Variants in NR2F1-AS1 observed in about 807,000 individuals in gnomAD.
NR2F1-AS1 encodes NR2F1 antisense RNA 1.
intron 4 of NR2F1-AS1, among the ~76,000 whole-genome samples, chr5:93,453,008 A>G (rs1179847322): frequency 6.6e-6 from 1 of 152,192 alleles, no homozygotes; most frequent in Non-Finnish European, 1.5e-5. Flanking sequence ...CTAGAGAAAA[A>G]GAAATAAATA....
At chr5:93,486,137 T>C (rs1750711596) in intron 4 of NR2F1-AS1, among the ~76,000 whole-genome samples, 1 of 121,424 alleles carries the variant, frequency 8.2e-6, no homozygotes, top group African/African-American at 3.1e-5. Context: ...GGGGGAGGGA[T>C]AGCACTGGGA....
chr5:93,470,967 T>A (rs1322498770), intron 4 of NR2F1-AS1, among the ~76,000 whole-genome samples: 1 of 151,866 alleles, frequency 6.6e-6, no homozygotes, highest in African/African-American at 2.4e-5. Flanking sequence ...AAAATCAAGA[T>A]ATGACTATGT....
intron 4 of NR2F1-AS1, among the ~76,000 whole-genome samples, chr5:93,429,350 A>G (rs1749262755): frequency 6.6e-6 from 1 of 152,210 alleles, no homozygotes; most frequent in Non-Finnish European, 1.5e-5. Context: ...CACAGAAGCA[A>G]GCATCCTAAT....
intron 4 of NR2F1-AS1, among the ~76,000 whole-genome samples, chr5:93,437,058 T>C (rs1479543406): frequency 2.0e-5 from 3 of 152,154 alleles, no homozygotes; most frequent in Non-Finnish European, 4.4e-5. Context: ...TTAGCTATTC[T>C]TGGTATTCAA....
At chr5:93,456,122 A>G (rs777615339) in intron 4 of NR2F1-AS1, among the ~76,000 whole-genome samples, 1 of 152,208 alleles carries the variant, frequency 6.6e-6, no homozygotes, top group African/African-American at 2.4e-5. Flanking sequence ...TGGAAAGGAA[A>G]TAATAAAACT....
intron 4 of NR2F1-AS1, among the ~76,000 whole-genome samples, chr5:93,443,741 A>G (rs1399424258): frequency 1.3e-5 from 2 of 152,204 alleles, no homozygotes. Flanking sequence ...TCCAAGACAC[A>G]TAATTGTCAG....
chr5:93,585,056 G>A, upstream of NR2F1-AS1: 4 of 1,037,014 alleles, frequency 3.9e-6, no homozygotes, highest in Non-Finnish European at 4.6e-6. Flanking sequence ...GGCGAGATCC[G>A]CAGGACGACG....
intron 4 of NR2F1-AS1, among the ~76,000 whole-genome samples, chr5:93,504,332 T>G (rs1216675909): frequency 2.0e-5 from 3 of 152,096 alleles, no homozygotes; most frequent in East Asian, 1.9e-4. Flanking sequence ...ATAGAAAACA[T>G]GAACATATTC....
At chr5:93,521,891 T>C (rs1456315517) in intron 4 of NR2F1-AS1, among the ~76,000 whole-genome samples, 1 of 152,164 alleles carries the variant, frequency 6.6e-6, no homozygotes, top group African/African-American at 2.4e-5. Flanking sequence ...CATTCTACCA[T>C]ATAGACACAT....
At chr5:93,578,447 G>GA (rs1752945275) in intron 1 of NR2F1-AS1, among the ~76,000 whole-genome samples, 1 of 151,944 alleles carries the variant, frequency 6.6e-6, no homozygotes. Flanking sequence ...AGGTCTGTGG[G>GA]AACCAGGAAG....
At chr5:93,439,540 C>T (rs1179139197) in intron 4 of NR2F1-AS1, among the ~76,000 whole-genome samples, 2 of 152,190 alleles carry the variant, frequency 1.3e-5, no homozygotes, top group Non-Finnish European at 2.9e-5. Context: ...GTGATCCACC[C>T]GCCTCGGCCT....
intron 4 of NR2F1-AS1, among the ~76,000 whole-genome samples, chr5:93,509,844 T>C (rs1158996533): frequency 6.6e-6 from 1 of 152,030 alleles, no homozygotes; most frequent in Non-Finnish European, 1.5e-5. Context: ...AAATAACTTT[T>C]TGAAAGTAAA....
chr5:93,556,704 C>T (rs1424523717), intron 2 of NR2F1-AS1, among the ~76,000 whole-genome samples: 1 of 152,090 alleles, frequency 6.6e-6, no homozygotes, highest in African/African-American at 2.4e-5. Flanking sequence ...GACTGTAAGC[C>T]ACAAAATGTC....
chr5:93,435,491 C>T (rs1015274908), intron 4 of NR2F1-AS1, among the ~76,000 whole-genome samples: 2 of 152,120 alleles, frequency 1.3e-5, no homozygotes, highest in Non-Finnish European at 2.9e-5. Context: ...TGCCTCATTT[C>T]AAGTTTGTAT....
At chr5:93,468,778 A>G (rs1322163203) in intron 4 of NR2F1-AS1, among the ~76,000 whole-genome samples, 1 of 152,142 alleles carries the variant, frequency 6.6e-6, no homozygotes, top group African/African-American at 2.4e-5. Flanking sequence ...TTATGGTGTT[A>G]GGTCTTACAT....
At chr5:93,585,072 G>C (rs962179278), upstream of NR2F1-AS1, 6 of 1,032,048 alleles carry the variant, frequency 5.8e-6, no homozygotes, top group South Asian at 4.0e-5. Flanking sequence ...CGACGTGGCC[G>C]GGGGCAACCC....
chr5:93,565,607 T>C (rs1234060698), intron 1 of NR2F1-AS1, among the ~76,000 whole-genome samples: 1 of 152,048 alleles, frequency 6.6e-6, no homozygotes, highest in Non-Finnish European at 1.5e-5. Flanking sequence ...TATGGATGCT[T>C]ATTTTTCTTC....
At chr5:93,581,727 T>TCTC (rs1753053335), upstream of NR2F1-AS1, among the ~76,000 whole-genome samples, 1 of 44,106 alleles carries the variant, frequency 2.3e-5, no homozygotes, top group African/African-American at 1.3e-4. Flanking sequence ...TCTCTCTCTC[T>TCTC]CTCTCTCCCC....
chr5:93,571,550 C>T (rs1752768887), intron 1 of NR2F1-AS1, among the ~76,000 whole-genome samples: 1 of 151,518 alleles, frequency 6.6e-6, no homozygotes, highest in Non-Finnish European at 1.5e-5. Context: ...GTCCTTGATT[C>T]CGAAGTTTCC....
Sources: gnomAD v4.1 joint callset for allele counts (sites outside exome capture counted in the v4.1 genomes callset) on GRCh38, gnomAD v4.1.1 for gene constraint, MANE v1.5 for transcripts, NCBI Gene and HGNC (gene_info 2026-07-23, HGNC 2026-07-21) for gene names.